The following RALYL variants were observed in gnomAD, a reference collection of about 807,000 sequenced individuals.
RALYL encodes RNA-binding Raly-like protein.
Under a neutral mutation model 35.1 loss-of-function variants are expected in RALYL, and 29 were observed. The observed-to-expected ratio is 0.83, with a 90% CI of 0.61 to 1.13. The LOEUF (loss-of-function observed/expected upper bound fraction) is 1.13. Among genes scored for constraint, RALYL ranks in the 50% most tolerant of loss-of-function variants. The pLI, the probability that RALYL is intolerant of heterozygous loss-of-function variation, is 0.00. For missense variants in RALYL, 359 were observed against 360.4 expected, an observed-to-expected ratio of 1.00 and a Z score of 0.03; for synonymous variants, 120 against 127.6, an observed-to-expected ratio of 0.94 and a Z score of 0.40.
At chr8:84,715,126 C>T (rs1046796683) in intron 2 of RALYL, among the ~76,000 whole-genome samples, 6 of 151,808 alleles carry the variant, frequency 4.0e-5, no homozygotes, top group Non-Finnish European at 8.8e-5. Flanking sequence ...CATATTTTAT[C>T]ATTAAAACTT....
intron 1 of RALYL, among the ~76,000 whole-genome samples, chr8:84,352,663 C>A (rs1466268657): frequency 6.7e-6 from 1 of 150,248 alleles, no homozygotes; most frequent in South Asian, 2.1e-4. Flanking sequence ...CCATCAAATG[C>A]AAAAATGAAA....
chr8:84,852,021 A>G (rs948986105), intron 5 of RALYL, among the ~76,000 whole-genome samples: 1 of 152,198 alleles, frequency 6.6e-6, no homozygotes, highest in Non-Finnish European at 1.5e-5. Flanking sequence ...TGTATTATTA[A>G]TTCATCTCCT....
chr8:84,371,568 C>CAGAAAGAGAG (rs1855717723), intron 1 of RALYL, among the ~76,000 whole-genome samples: 3 of 147,614 alleles, frequency 2.0e-5, no homozygotes, highest in African/African-American at 8.0e-5. Flanking sequence ...CACACACACA[C>CAGAAAGAGAG]ACACAGAAAG....
At chr8:84,464,114 T>C (rs1043879573) in intron 1 of RALYL, among the ~76,000 whole-genome samples, 1 of 148,952 alleles carries the variant, frequency 6.7e-6, no homozygotes, top group African/African-American at 2.5e-5. Flanking sequence ...GATCATTATT[T>C]AAAAACATTA....
chr8:84,487,359 T>G (rs1238962226), intron 1 of RALYL, among the ~76,000 whole-genome samples: 1 of 152,048 alleles, frequency 6.6e-6, no homozygotes, highest in Admixed American at 6.6e-5. Context: ...GATAAGAAAT[T>G]CAAGATAAAT....
chr8:84,439,251 A>G (rs1039465244), intron 1 of RALYL, among the ~76,000 whole-genome samples: 11 of 152,050 alleles, frequency 7.2e-5, no homozygotes, highest in Non-Finnish European at 2.9e-5. Context: ...TGTGTCATCT[A>G]TGATTTCTTG....
Position 84,833,303 on chromosome 8 carries a change from C to T in RALYL, c.366-16677C>T, listed in dbSNP as rs573314167. Reference sequence around the variant, plus strand: ...GTGAAAGTCCAATGGAATTATTACCCTTTTTTTATAGACACTAAAAATCAT... The same window carrying T: ...GTGAAAGTCCAATGGAATTATTACCTTTTTTTTATAGACACTAAAAATCAT... On this transcript the variant is annotated intron_variant, in intron 4 of 8. Transcript: ENST00000521268. Among the ~76,000 whole-genome samples the T allele has an allele frequency of 1.4e-4, 21 of 152,124 alleles. No homozygotes were observed. The East Asian group carries it at 3.9e-3, about 28-fold the overall frequency.
chr8:84,911,185 C>A (rs1459239387), intron 8 of RALYL, among the ~76,000 whole-genome samples: 2 of 152,040 alleles, frequency 1.3e-5, no homozygotes, highest in African/African-American at 4.8e-5. Flanking sequence ...AATAGGAAAT[C>A]TGAGGCTTAA....
chr8:84,838,619 G>A (rs1355472480), intron 4 of RALYL, among the ~76,000 whole-genome samples: 2 of 152,162 alleles, frequency 1.3e-5, no homozygotes, highest in African/African-American at 4.8e-5. Context: ...GGCAGGCAGT[G>A]GAACCTGAGA....
Position 84,845,559 on chromosome 8 carries a change from C to G in RALYL, c.366-4421C>G, listed in dbSNP as rs371901998. 7.5e-4 allele frequency among the ~76,000 whole-genome samples: 114 copies of G among 152,212 alleles called. 2 individuals carry two copies. The highest frequency in any genetic ancestry group is 2.6e-3 in the African/African-American group (108 of 41,554). ...AATTTATTTAAGTTTCTTACAGATT[C>G]TGGATATTAGACCTTTGTCAGATGC... On this transcript the variant is annotated intron_variant, in intron 4 of 8. Transcript: ENST00000521268.
In RALYL at chr8:84,184,127, T is replaced by C. The variant is rs1489759135; in HGVS notation, c.-321T>C. On this transcript the variant is annotated 5_prime_UTR_variant, in exon 1 of 9. An upstream start codon of the reference 5' UTR is lost. Transcript: ENST00000521268. ...CTGTTTTTGATACCCATTGATAACA[T>C]GAAACTTTTCTTACAGCTGGTGATT... The C allele has an allele frequency of 6.6e-6, 1 of 152,222 alleles. No homozygotes were observed. Among genetic ancestry groups the C allele is most frequent in the Admixed American group, 6.5e-5 (1 of 15,286 alleles). The allele number at this position is 152,222 out of a possible 1,614,324, so 9.4% of individuals were successfully genotyped here.
intron 2 of RALYL, among the ~76,000 whole-genome samples, chr8:84,654,562 A>C (rs1829583805): frequency 6.6e-6 from 1 of 151,680 alleles, no homozygotes; most frequent in Non-Finnish European, 1.5e-5. Flanking sequence ...CCCATTAATC[A>C]TCCCCACTTC....
intron 1 of RALYL, among the ~76,000 whole-genome samples, chr8:84,470,074 A>G (rs768856897): frequency 3.3e-5 from 5 of 152,154 alleles, no homozygotes; most frequent in Non-Finnish European, 7.4e-5. Context: ...GGTACCTCAG[A>G]TGGAAATGCA....
intron 1 of RALYL, among the ~76,000 whole-genome samples, chr8:84,268,230 A>G (rs1004484426): frequency 2.6e-5 from 4 of 152,204 alleles, no homozygotes; most frequent in African/African-American, 9.6e-5. Flanking sequence ...ACAGTCAGAC[A>G]CAGTGAGAGG....
At chr8:84,219,808 G>A (rs777804390) in intron 1 of RALYL, among the ~76,000 whole-genome samples, 1 of 151,982 alleles carries the variant, frequency 6.6e-6, no homozygotes, top group Non-Finnish European at 1.5e-5. Flanking sequence ...GAAGATATTG[G>A]AAGCAGAAAA....
intron 3 of RALYL, among the ~76,000 whole-genome samples, chr8:84,787,226 T>C (rs370824845): frequency 6.6e-6 from 1 of 151,712 alleles, no homozygotes; most frequent in East Asian, 1.9e-4. Context: ...GTTCTCATTG[T>C]CCAACTCCCA....
At chr8:84,218,409 A>C (rs2131271434) in intron 1 of RALYL, among the ~76,000 whole-genome samples, 1 of 152,172 alleles carries the variant, frequency 6.6e-6, no homozygotes, top group East Asian at 1.9e-4. Context: ...TTAAAAGGAA[A>C]AATGCTGTCA....
chr8:84,446,847 A>G (rs1342683910), intron 1 of RALYL, among the ~76,000 whole-genome samples: 1 of 152,080 alleles, frequency 6.6e-6, no homozygotes, highest in Non-Finnish European at 1.5e-5. Flanking sequence ...CAGTTCTGTT[A>G]TCCAAGATTC....
At chr8:84,701,622 G>A (rs1002729159) in intron 2 of RALYL, among the ~76,000 whole-genome samples, 17 of 152,134 alleles carry the variant, frequency 1.1e-4, no homozygotes, top group Non-Finnish European at 1.5e-5. Flanking sequence ...TTCATTTGGA[G>A]GAAAGGATGA....
Sources: gnomAD v4.1 joint callset for allele counts (sites outside exome capture counted in the v4.1 genomes callset) on GRCh38, gnomAD v4.1.1 for gene constraint, MANE v1.5 for transcripts, NCBI Gene and HGNC (gene_info 2026-07-23, HGNC 2026-07-21) for gene names.